CDH13: variants seen among roughly 807,000 people sequenced by gnomAD.
CDH13 encodes cadherin-13.
In CDH13, 24 loss-of-function variants were observed where a neutral mutation model predicts 63.8. The observed-to-expected ratio is 0.38, with a 90% CI of 0.27 to 0.53. CDH13 has a LOEUF of 0.53. CDH13 is among the 20% of genes least tolerant of loss of function. The probability of loss-of-function intolerance (pLI) is 0.85; values close to 1 mark genes in which losing one functional copy is unlikely to be tolerated. For missense variants in CDH13, 1,049 were observed against 903.1 expected (o/e 1.16, Z -2.07); for synonymous variants, 503 against 355.3 (o/e 1.42, Z -4.67).
chr16:83,442,980 A>G (rs1017114298), intron 6 of CDH13, among the ~76,000 whole-genome samples: 2 of 152,218 alleles, frequency 1.3e-5, no homozygotes, highest in Non-Finnish European at 2.9e-5. Flanking sequence ...CAGCTGAATT[A>G]TTTAGTGAGA....
intron 6 of CDH13, among the ~76,000 whole-genome samples, chr16:83,375,457 A>G (rs1032511799): frequency 1.3e-5 from 2 of 152,180 alleles, no homozygotes; most frequent in African/African-American, 4.8e-5. Flanking sequence ...CTGACATCTT[A>G]TGAGTATCTG....
At chr16:82,779,916 G>C (rs1015135605) in intron 1 of CDH13, among the ~76,000 whole-genome samples, 2 of 152,160 alleles carry the variant, frequency 1.3e-5, no homozygotes, top group Non-Finnish European at 2.9e-5. Flanking sequence ...CCCCCAAGAA[G>C]TCAAATACAT....
At chr16:83,542,600 G>T (rs1412948559) in intron 7 of CDH13, among the ~76,000 whole-genome samples, 1 of 152,208 alleles carries the variant, frequency 6.6e-6, no homozygotes, top group African/African-American at 2.4e-5. Context: ...TGAAATCAAG[G>T]TGTTGGCAAA....
chr16:83,246,146 G>C (rs2151819910), intron 5 of CDH13, among the ~76,000 whole-genome samples: 1 of 152,138 alleles, frequency 6.6e-6, no homozygotes, highest in Non-Finnish European at 1.5e-5. Context: ...TTATATATTT[G>C]GACTAGAATT....
At chr16:83,173,002 C>T (rs1459591323) in intron 4 of CDH13, among the ~76,000 whole-genome samples, 2 of 152,040 alleles carry the variant, frequency 1.3e-5, no homozygotes, top group Non-Finnish European at 2.9e-5. Context: ...AAATTGCATG[C>T]GTTGTTTTGC....
intron 11 of CDH13, among the ~76,000 whole-genome samples, chr16:83,778,366 C>G (rs1006342364): frequency 5.3e-5 from 8 of 152,158 alleles, no homozygotes; most frequent in African/African-American, 1.9e-4. Flanking sequence ...CCCATCTCTA[C>G]TAAAAATACA....
intron 10 of CDH13, among the ~76,000 whole-genome samples, chr16:83,707,841 A>AAAAAAAAAAAAAAAAAAAAG (rs1907355380): frequency 1.4e-5 from 1 of 72,010 alleles, no homozygotes; most frequent in African/African-American, 5.8e-5. Flanking sequence ...AAAGGCAAAA[A>AAAAAAAAAAAAAAAAAAAAG]AAAAAAAAAA....
intron 1 of CDH13, among the ~76,000 whole-genome samples, chr16:82,810,263 C>T (rs1015969403): frequency 7.2e-5 from 11 of 152,116 alleles, no homozygotes; most frequent in African/African-American, 2.7e-4. Context: ...TGGGTGAGGA[C>T]CTAGGACAGC....
chr16:83,281,347 C>A (rs61495729), intron 5 of CDH13, among the ~76,000 whole-genome samples: 3 of 152,316 alleles, frequency 2.0e-5, no homozygotes, highest in African/African-American at 7.2e-5. Flanking sequence ...CTCTCTCAGC[C>A]TTTATAGCAC....
intron 2 of CDH13, among the ~76,000 whole-genome samples, chr16:82,942,474 A>G (rs931269471): frequency 2.6e-5 from 4 of 152,200 alleles, no homozygotes; most frequent in Non-Finnish European, 4.4e-5. Context: ...ACAGACTATA[A>G]CACACGCCAG....
At chr16:83,473,221 T>C (rs2073506632) in intron 6 of CDH13, among the ~76,000 whole-genome samples, 3 of 152,220 alleles carry the variant, frequency 2.0e-5, no homozygotes, top group African/African-American at 7.2e-5. Context: ...CATACTTTCA[T>C]TGCTCGCATC....
intron 1 of CDH13, among the ~76,000 whole-genome samples, chr16:82,766,506 C>G (rs1324840779): frequency 6.6e-6 from 1 of 152,162 alleles, no homozygotes; most frequent in Non-Finnish European, 1.5e-5. Flanking sequence ...TGCCAGTACA[C>G]CTTTCTGCCT....
At position 82,834,548 on chromosome 16, in the gene CDH13, A is replaced by ACCCACAG. The variant is rs200512363; in HGVS notation, c.46-23790_46-23784dup. Among the ~76,000 whole-genome samples the ACCCACAG allele has an allele frequency of 1.8e-3, 274 of 152,080 alleles. 1 individual carries two copies. Among genetic ancestry groups the ACCCACAG allele is most frequent in the African/African-American group, 5.4e-3 (224 of 41,428 alleles). Reference sequence around the variant, plus strand: ...CATTCAGAACACAAGCTTTGCAGCCACCCACAGCCCACAGCCCACAGCCCA... The same window carrying ACCCACAG: ...CATTCAGAACACAAGCTTTGCAGCCACCCACAGCCCACAGCCCACAGCCCACAGCCCA... On this transcript the variant is annotated intron_variant, in intron 1 of 13. Transcript: ENST00000567109.
At chr16:83,101,879 C>G (rs2034494946) in intron 3 of CDH13, among the ~76,000 whole-genome samples, 1 of 152,148 alleles carries the variant, frequency 6.6e-6, no homozygotes, top group Non-Finnish European at 1.5e-5. Context: ...AGTGAAAGAA[C>G]TGCTGTGGAA....
intron 6 of CDH13, among the ~76,000 whole-genome samples, chr16:83,479,120 A>G (rs1439133806): frequency 6.6e-6 from 1 of 152,238 alleles, no homozygotes; most frequent in Non-Finnish European, 1.5e-5. Context: ...ACAAGACCAG[A>G]GGAAGCGGAT....
chr16:83,058,211 G>T (rs952654623), intron 3 of CDH13, among the ~76,000 whole-genome samples: 3 of 152,136 alleles, frequency 2.0e-5, no homozygotes, highest in African/African-American at 7.2e-5. Flanking sequence ...TTTGTGAGGG[G>T]AGATGGCAGA....
At chr16:83,623,502 C>T (rs552808787) in intron 8 of CDH13, among the ~76,000 whole-genome samples, 2 of 152,168 alleles carry the variant, frequency 1.3e-5, no homozygotes, top group South Asian at 2.1e-4. Flanking sequence ...GGCCTCGGAG[C>T]GGTGTGCACA....
intron 6 of CDH13, among the ~76,000 whole-genome samples, chr16:83,370,842 T>C (rs75065737): frequency 1.3e-5 from 2 of 152,352 alleles, no homozygotes; most frequent in Admixed American, 6.5e-5. Flanking sequence ...ACATTATATA[T>C]GTACCATATT....
intron 1 of CDH13, among the ~76,000 whole-genome samples, chr16:82,857,304 C>G (rs1429151418): frequency 1.3e-5 from 2 of 152,192 alleles, no homozygotes; most frequent in Non-Finnish European, 2.9e-5. Flanking sequence ...GAGTTTAGCA[C>G]ATTAATGGCC....
Sources: allele counts gnomAD v4.1 joint callset (sites outside exome capture counted in the v4.1 genomes callset), GRCh38; gene constraint gnomAD v4.1.1; transcripts MANE v1.5; gene names NCBI Gene and HGNC (gene_info 2026-07-23, HGNC 2026-07-21).